IMPG1: variants seen among roughly 807,000 people sequenced by gnomAD.
IMPG1 encodes interphotoreceptor matrix proteoglycan 1.
Under a neutral mutation model 92.0 loss-of-function variants are expected in IMPG1, and 85 were observed. The ratio of observed to expected loss-of-function variants is 0.92; its 90% CI spans 0.78 to 1.11. The LOEUF is 1.11. IMPG1 is among the 50% of genes least tolerant of loss of function. The pLI, the probability that IMPG1 is intolerant of heterozygous loss-of-function variation, is 0.00. For missense variants in IMPG1, 1,022 were observed against 956.0 expected (o/e 1.07, Z -0.91); for synonymous variants, 367 against 334.1 (o/e 1.10, Z -1.08).
intron 4 of IMPG1, among the ~76,000 whole-genome samples, chr6:76,027,526 G>A (rs1462061183): frequency 6.6e-6 from 1 of 152,138 alleles, no homozygotes; most frequent in Non-Finnish European, 1.5e-5. Flanking sequence ...TTATAAGAAG[G>A]CATGGAAATG....
chr6:75,976,143 A>T (rs1782528521), intron 12 of IMPG1, among the ~76,000 whole-genome samples: 1 of 152,202 alleles, frequency 6.6e-6, no homozygotes, highest in African/African-American at 2.4e-5. Flanking sequence ...AGGTAAATAA[A>T]ATCTTCAATA....
intron 12 of IMPG1, among the ~76,000 whole-genome samples, chr6:75,961,016 G>T (rs1456852990): frequency 2.0e-5 from 3 of 152,186 alleles, no homozygotes; most frequent in African/African-American, 7.2e-5. Flanking sequence ...AAATGATATG[G>T]TCCAACCCAA....
chr6:75,994,767 A>T (rs1472736992), intron 12 of IMPG1, among the ~76,000 whole-genome samples: 1 of 152,172 alleles, frequency 6.6e-6, no homozygotes, highest in Non-Finnish European at 1.5e-5. Context: ...TCAATATGAG[A>T]TTTGGGTGGG....
At chr6:76,052,879 A>AACAGTT (rs1784065907) in intron 1 of IMPG1, among the ~76,000 whole-genome samples, 1 of 152,170 alleles carries the variant, frequency 6.6e-6, no homozygotes, top group African/African-American at 2.4e-5. Context: ...CTGAGGTAAG[A>AACAGTT]ACAGTTACAC....
At chr6:76,002,863 G>T in intron 12 of IMPG1, 55 bp downstream of exon 12, 1 of 1,336,282 alleles carries the variant, frequency 7.5e-7, no homozygotes, top group Non-Finnish European at 1.1e-6. Context: ...ATCATAATGG[G>T]ATTCCTCAAA....
At chr6:76,064,333 A>T (rs1338024775) in intron 1 of IMPG1, among the ~76,000 whole-genome samples, 3 of 147,240 alleles carry the variant, frequency 2.0e-5, no homozygotes, top group Non-Finnish European at 4.5e-5. Flanking sequence ...CACCACAGAC[A>T]TTTTAGTGGA....
chr6:76,021,800 T>TATATATATATATAA (rs1783430506), intron 6 of IMPG1, among the ~76,000 whole-genome samples: 1 of 140,420 alleles, frequency 7.1e-6, no homozygotes, highest in African/African-American at 2.6e-5. Flanking sequence ...TATATATATA[T>TATATATATATATAA]ATGGTTTTGT....
At chr6:75,997,024 G>C (rs965922073) in intron 12 of IMPG1, among the ~76,000 whole-genome samples, 4 of 152,180 alleles carry the variant, frequency 2.6e-5, no homozygotes, top group African/African-American at 9.7e-5. Context: ...CTGAAATTCT[G>C]AAGGACATAT....
chr6:76,005,827 T>C (rs547740348), intron 9 of IMPG1, among the ~76,000 whole-genome samples: 28 of 151,820 alleles, frequency 1.8e-4, no homozygotes, highest in African/African-American at 6.1e-4. Flanking sequence ...AGGTTTTTTT[T>C]TTTCTTTCTT....
intron 1 of IMPG1, among the ~76,000 whole-genome samples, chr6:76,048,311 G>A (rs375004484): frequency 3.3e-5 from 5 of 152,162 alleles, no homozygotes; most frequent in African/African-American, 9.7e-5. Flanking sequence ...GTCCTGGGGA[G>A]CTACACACTT....
chr6:75,935,312 C>CG (rs1406755965), intron 14 of IMPG1, among the ~76,000 whole-genome samples: 2 of 152,160 alleles, frequency 1.3e-5, no homozygotes, highest in African/African-American at 4.8e-5. Flanking sequence ...GCCTGCCTGG[C>CG]GGGGGTAATG....
intron 2 of IMPG1, among the ~76,000 whole-genome samples, chr6:76,039,505 G>A (rs530720218): frequency 5.9e-5 from 9 of 152,186 alleles, no homozygotes; most frequent in East Asian, 3.9e-4. Flanking sequence ...ACAGGCGTGC[G>A]CCACCATGCC....
chr6:75,964,675 C>CAA (rs75154439), intron 12 of IMPG1, among the ~76,000 whole-genome samples: 3,033 of 81,112 alleles, frequency 0.037, 224 homozygotes, highest in African/African-American at 0.14. Flanking sequence ...AGACTAGTCT[C>CAA]AAAAAAAAAA....
rs201523889 is a variant in IMPG1, at chr6:76,005,427, C to A, written c.995G>T (p.Ser332Ile). ...LLSFDSNKIE[S>I]EEVYHGTMEE... ...CATGGTTCCATGATAGACTTCCTCACTTTCAATTTTGTTGGAATCAAAAGA... is the reference window on the plus strand; with the variant it reads ...CATGGTTCCATGATAGACTTCCTCAATTTCAATTTTGTTGGAATCAAAAGA... Residue 332 changes from serine (S) to isoleucine (I), a missense_variant, in exon 10 of 17, where the codon AGT becomes ATT. Transcript: ENST00000369950. 1.4e-5 allele frequency: 22 copies of A among 1,614,048 alleles called. No individual in the cohort carries two copies. In the Admixed American group the frequency reaches 2.7e-4, roughly 20 times the overall value.
intron 7 of IMPG1, among the ~76,000 whole-genome samples, chr6:76,018,514 A>AT (rs2149482219): frequency 6.6e-6 from 1 of 152,368 alleles, no homozygotes; most frequent in Admixed American, 6.5e-5. Context: ...AGTTTTGAGA[A>AT]TAGAAAGGCT....
In IMPG1 at chr6:76,003,861, A is replaced by T. The variant is rs1414449623; in HGVS notation, c.1212+13T>A. 1.2e-6 allele frequency: 2 copies of T among 1,601,906 alleles called. No individual in the cohort carries two copies. Among genetic ancestry groups the T allele is most frequent in the African/African-American group, 1.3e-5 (1 of 74,498 alleles). On this transcript the variant is annotated intron_variant, in intron 11 of 16. Transcript: ENST00000369950. ...TTGTTCCTAGTTAAAGAACAAAAGG[A>T]CAACAAACTTACCTCTGTTATAACA... is the stretch of plus-strand genomic sequence containing the variant.
chr6:76,045,441 C>CTTT (rs10700038), intron 1 of IMPG1, among the ~76,000 whole-genome samples: 1,283 of 122,374 alleles, frequency 0.01, 20 homozygotes, highest in Non-Finnish European at 0.014. Flanking sequence ...CAACCTCCAT[C>CTTT]TTTTTTTTTT....
chr6:75,931,097 A>T lies in IMPG1; in HGVS notation c.2099T>A (p.Val700Glu). Residue 700 changes from valine (V) to glutamate (E), a missense_variant, in exon 15 of 17, where the codon GTA (valine) becomes GAA (glutamate). By Grantham distance (121) the Val-to-Glu change is moderately radical (BLOSUM62 -2). Coordinates refer to ENST00000369950, the MANE Select transcript of IMPG1 (RefSeq NM_001563.4). ...CGCTTCCTCAGTCCGTTCGTTCTTT[A>T]CACATTGGGCAAATTCGCCGCAGGC... Reference protein sequence around the residue: ...FLACGEFAQCVKNERTEEAEC... With the variant: ...FLACGEFAQCEKNERTEEAEC... 1 of 1,614,154 alleles carries T rather than the reference A, an allele frequency of 6.2e-7. No individual in the cohort carries two copies. The highest frequency in any genetic ancestry group is 8.5e-7 in the Non-Finnish European group (1 of 1,180,022).
intron 5 of IMPG1, among the ~76,000 whole-genome samples, chr6:76,023,643 G>T (rs1783473067): frequency 6.6e-6 from 1 of 152,100 alleles, no homozygotes; most frequent in South Asian, 2.1e-4. Flanking sequence ...CAGAAGTACT[G>T]GGGAAATAAT....
Sources: gnomAD v4.1 joint callset for allele counts (sites outside exome capture counted in the v4.1 genomes callset) on GRCh38, gnomAD v4.1.1 for gene constraint, MANE v1.5 for transcripts, NCBI Gene and HGNC (gene_info 2026-07-23, HGNC 2026-07-21) for gene names.